EPC1: variants seen among roughly 807,000 people sequenced by gnomAD.
EPC1 encodes enhancer of polycomb homolog 1.
EPC1 carries 12 observed loss-of-function variants against 98.4 expected under a neutral mutation model. That is an observed-to-expected ratio of 0.12 (90% confidence interval 0.08 to 0.20). EPC1 has a LOEUF of 0.20. Among genes scored for constraint, EPC1 ranks in the 10% least tolerant of loss-of-function variants. The pLI is 1.00. For missense variants in EPC1, 729 were observed against 990.5 expected, an observed-to-expected ratio of 0.74 and a Z score of 3.54; for synonymous variants, 357 against 363.9, an observed-to-expected ratio of 0.98 and a Z score of 0.21.
intron 1 of EPC1, among the ~76,000 whole-genome samples, chr10:32,364,304 G>T (rs1839536415): frequency 6.6e-6 from 1 of 151,994 alleles, no homozygotes; most frequent in South Asian, 2.1e-4. Context: ...AAAGTGCTGG[G>T]CTTACAGGCA....
chr10:32,271,116 T>C (rs1234831505), intron 13 of EPC1, among the ~76,000 whole-genome samples: 3 of 152,006 alleles, frequency 2.0e-5, no homozygotes, highest in African/African-American at 7.2e-5. Context: ...CTCAGCCTCC[T>C]GAGTAGCTGA....
chr10:32,375,861 T>G (rs989681780), intron 1 of EPC1, among the ~76,000 whole-genome samples: 1 of 152,036 alleles, frequency 6.6e-6, no homozygotes, highest in African/African-American at 2.4e-5. Context: ...TAGTTCTCTA[T>G]CTGCTAAATT....
chr10:32,361,411 C>T (rs1839439247), intron 1 of EPC1, among the ~76,000 whole-genome samples: 1 of 152,156 alleles, frequency 6.6e-6, no homozygotes, highest in Non-Finnish European at 1.5e-5. Flanking sequence ...CATATTTGAG[C>T]TGGTTATTCT....
At position 32,284,747 on chromosome 10, in the gene EPC1, T is replaced by C. The variant is rs1836580520; in HGVS notation, c.1695A>G (p.Thr565=). The part of the protein sequence containing the change: ...RTGTAQPGTQ[T]CSTSTQSKSS... ...TTTTACTTTGCGTAGAGGTACTGCATGTCTGGGTCCCAGGTTGTGCTGTTC... is the reference window on the plus strand; with the variant it reads ...TTTTACTTTGCGTAGAGGTACTGCACGTCTGGGTCCCAGGTTGTGCTGTTC... The change falls in exon 10 of 14, where the codon ACA becomes ACG. Residue 565 remains threonine, a synonymous_variant. Coordinates refer to ENST00000319778, the MANE Select transcript of EPC1 (RefSeq NM_001272004.3). 6.2e-7 allele frequency: 1 copy of C among 1,614,054 alleles called. No homozygotes were observed. Among genetic ancestry groups the C allele is most frequent in the African/African-American group, 1.3e-5 (1 of 74,930 alleles).
chr10:32,305,970 A>G (rs1345755987), intron 1 of EPC1, 39 bp from the exon 2 acceptor site: 2 of 1,565,846 alleles, frequency 1.3e-6, no homozygotes, highest in African/African-American at 1.4e-5. Context: ...ATGTATTTTT[A>G]AAAAGCAGTA....
In EPC1 at chr10:32,354,804, G is replaced by A. The variant is rs190877760; in HGVS notation, c.3+23687C>T. 3.5e-4 allele frequency among the ~76,000 whole-genome samples: 53 copies of A among 151,982 alleles called. 1 individual carries two copies. Among genetic ancestry groups the A allele is most frequent in the Admixed American group, 1.6e-3 (24 of 15,262 alleles). ...CCACATTACCACCCAAGCTTCACCC[G>A]GCATTAGATTCTCATAGGACCTCAA... On this transcript the variant is annotated intron_variant, in intron 1 of 13. Transcript: ENST00000375110.
chr10:32,306,133 T>G (rs981889418), intron 1 of EPC1, among the ~76,000 whole-genome samples: 1 of 152,176 alleles, frequency 6.6e-6, no homozygotes. Flanking sequence ...TCAGAAACAC[T>G]GAATATTTCC....
At chr10:32,320,495 C>T (rs967490014) in intron 1 of EPC1, among the ~76,000 whole-genome samples, 4 of 152,182 alleles carry the variant, frequency 2.6e-5, no homozygotes, top group African/African-American at 7.2e-5. Flanking sequence ...TGCTGAACAA[C>T]GTCTTTACAG....
At chr10:32,361,524 G>C (rs988141056) in intron 1 of EPC1, among the ~76,000 whole-genome samples, 3 of 152,162 alleles carry the variant, frequency 2.0e-5, no homozygotes, top group African/African-American at 7.2e-5. Context: ...ATAGTTTACT[G>C]TTTTCTCTTC....
chr10:32,282,923 A>G (rs1018954253), intron 10 of EPC1: 2 of 151,836 alleles, frequency 1.3e-5, no homozygotes, highest in Non-Finnish European at 2.9e-5. Context: ...CTAACACTAT[A>G]AGTAAGTCTT....
At chr10:32,294,033 G>C (rs568917955) in intron 2 of EPC1, among the ~76,000 whole-genome samples, 13 of 152,102 alleles carry the variant, frequency 8.5e-5, no homozygotes, top group African/African-American at 2.9e-4. Context: ...AACATAAAGC[G>C]ATCATTAAAA....
chr10:32,334,871 C>G (rs1305653429), intron 1 of EPC1, among the ~76,000 whole-genome samples: 1 of 152,106 alleles, frequency 6.6e-6, no homozygotes, highest in East Asian at 1.9e-4. Flanking sequence ...CAGAATGTCT[C>G]CATAGTGGGA....
intron 2 of EPC1, among the ~76,000 whole-genome samples, chr10:32,296,110 T>TG (rs1423332654): frequency 6.6e-6 from 1 of 151,920 alleles, no homozygotes; most frequent in Non-Finnish European, 1.5e-5. Flanking sequence ...TTTTTTTTTT[T>TG]GTAGTAGAGA....
chr10:32,345,565 GA>G, intron 1 of EPC1: 35 of 985,380 alleles, frequency 3.6e-5, no homozygotes, highest in Non-Finnish European at 4.0e-5. Context: ...GGCTGTACCT[GA>G]AAACCAAGGT....
At chr10:32,291,575 T>C (rs1162196076) in intron 5 of EPC1, 1 of 265,314 alleles carries the variant, frequency 3.8e-6, no homozygotes. Context: ...ATTTCATAAC[T>C]GTAAGTCTGT....
intron 1 of EPC1, among the ~76,000 whole-genome samples, chr10:32,322,144 C>T (rs1349817453): frequency 6.7e-6 from 1 of 150,352 alleles, no homozygotes; most frequent in Admixed American, 6.7e-5. Context: ...AGATGCTTCC[C>T]TATGCCATTC....
rs1835870378 is a variant in EPC1 at position 32,272,007 on chromosome 10, T to C, written c.2005+19A>G. The stretch of plus-strand genomic sequence containing the variant: ...TGTTATAAATATAACCCAAACAATT[T>C]AAATGTCTTTATTCTTACCTGAGGC... On this transcript the variant is annotated intron_variant, in intron 12 of 13. Coordinates refer to ENST00000319778, the MANE Select transcript of EPC1 (RefSeq NM_001272004.3). The C allele has an allele frequency of 1.2e-6, 2 of 1,604,514 alleles. No individual in the cohort carries two copies. The highest frequency in any genetic ancestry group is 2.2e-5 in the South Asian group (2 of 89,084).
At chr10:32,300,988 G>C (rs1304669232) in intron 2 of EPC1, among the ~76,000 whole-genome samples, 1 of 152,014 alleles carries the variant, frequency 6.6e-6, no homozygotes, top group African/African-American at 2.4e-5. Context: ...TGCTATGTTT[G>C]CTTATTTTTG....
In EPC1 at chr10:32,343,702, G is replaced by GGC. The variant is rs1554824234; in HGVS notation, c.153+3060_153+3061insGC. Among the ~76,000 whole-genome samples, 9 of 150,474 alleles carry GGC rather than the reference G, an allele frequency of 6.0e-5. No individual in the cohort carries two copies. In the East Asian group the frequency reaches 1.6e-3, roughly 26 times the overall value. On this transcript the variant is annotated intron_variant, in intron 1 of 13. Transcript: ENST00000319778. ...CTGCCTCCAAATTATTTTGGGGGGGGGGTGTAAGGGCTTCTACTTAAAGTT... is the reference window on the plus strand; with the variant it reads ...CTGCCTCCAAATTATTTTGGGGGGGGGCGGTGTAAGGGCTTCTACTTAAAGTT...
Sources: allele counts gnomAD v4.1 joint callset (sites outside exome capture counted in the v4.1 genomes callset), GRCh38; gene constraint gnomAD v4.1.1; transcripts MANE v1.5; gene names NCBI Gene and HGNC (gene_info 2026-07-23, HGNC 2026-07-21).